Variants in UST observed in about 807,000 individuals in gnomAD.
The protein encoded by UST is chondroitin sulfate 2-O-sulfotransferase.
UST carries 21 observed loss-of-function variants against 45.6 expected under a neutral mutation model. The ratio of observed to expected loss-of-function variants is 0.46; its 90% CI spans 0.33 to 0.66. UST has a LOEUF of 0.66. UST is among the 30% of genes least tolerant of loss of function. UST has a pLI of 0.02. For missense variants in UST, 463 were observed against 512.4 expected, an observed-to-expected ratio of 0.90 and a Z score of 0.93; for synonymous variants, 215 against 200.6, an observed-to-expected ratio of 1.07 and a Z score of -0.61.
chr6:148,872,251 A>T (rs1343899475), intron 1 of UST, among the ~76,000 whole-genome samples: 25 of 152,236 alleles, frequency 1.6e-4, no homozygotes, highest in Admixed American at 1.6e-3. Context: ...AATATTTAAA[A>T]AATGATAATA....
chr6:148,942,150 G>A (rs1473345914), intron 3 of UST, among the ~76,000 whole-genome samples: 1 of 152,116 alleles, frequency 6.6e-6, no homozygotes, highest in African/African-American at 2.4e-5. Context: ...TTACAGAGTT[G>A]GGTTTGTCAT....
rs111880871 is a variant in UST at position 148,893,216 on chromosome 6, G to A, written c.291+6187G>A. Among the ~76,000 whole-genome samples the A allele has an allele frequency of 5.9e-5, 9 of 152,278 alleles. 1 individual carries two copies. Among genetic ancestry groups the A allele is most frequent in the African/African-American group, 2.2e-4 (9 of 41,552 alleles). On this transcript the variant is annotated intron_variant, in intron 2 of 7. Transcript: ENST00000367463. ...AAGTATTAGTATTCAAAATTCCGTT[G>A]TAAAATGGGTTCATTAGAAGGCGGC...
At chr6:148,851,190 C>T (rs112665427) in intron 1 of UST, among the ~76,000 whole-genome samples, 2,320 of 152,296 alleles carry the variant, frequency 0.015, 28 homozygotes, top group African/African-American at 0.04. Context: ...TTGTCATGGA[C>T]TTTTAGCATC....
rs114013974 is a variant in UST, at chr6:148,802,118, C to T, written c.247+54441C>T. Among the ~76,000 whole-genome samples the T allele has an allele frequency of 1.3e-3, 197 of 152,284 alleles. 1 individual carries two copies. Among genetic ancestry groups the T allele is most frequent in the African/African-American group, 4.6e-3 (192 of 41,562 alleles). ...TTGACATCCTGCCCAAGTCCCCATG[C>T]GGGGCAAATGCTCCCATTGCCCAGC... On this transcript the variant is annotated intron_variant, in intron 1 of 7. Transcript: ENST00000367463.
At position 148,934,715 on chromosome 6, in the gene UST, T is replaced by C. The variant is rs569716422; in HGVS notation, c.292-6564T>C. 6.6e-6 allele frequency among the ~76,000 whole-genome samples: 1 copy of C among 152,312 alleles called. No homozygotes were observed. Among genetic ancestry groups the C allele is most frequent in the Non-Finnish European group, 1.5e-5 (1 of 68,030 alleles). On this transcript the variant is annotated intron_variant, in intron 2 of 7. Transcript: ENST00000367463. This position sits in a 1 kb window ranked among gnomAD's most constrained non-coding sequence, Gnocchi z 4.1. The stretch of plus-strand genomic sequence containing the variant: ...TTAATACAGAAAGCTGGGAGTCCTC[T>C]GTGACAGCACTTCCTCAAAGCTGAT...
chr6:148,989,761 C>G (rs912939411), intron 5 of UST, among the ~76,000 whole-genome samples: 1 of 152,166 alleles, frequency 6.6e-6, no homozygotes, highest in Non-Finnish European at 1.5e-5. Context: ...GGCTGAAGGG[C>G]TTGTCTCACC....
At chr6:149,046,921 A>G (rs911972238) in intron 7 of UST, among the ~76,000 whole-genome samples, 7 of 152,218 alleles carry the variant, frequency 4.6e-5, no homozygotes, top group African/African-American at 1.7e-4. Context: ...TTCTGGTGGC[A>G]GTAGAATTGC....
chr6:148,872,284 A>T (rs576135256), intron 1 of UST, among the ~76,000 whole-genome samples: 16 of 152,096 alleles, frequency 1.1e-4, no homozygotes, highest in Admixed American at 3.9e-4. Context: ...ACTGAAGTAA[A>T]CTGGTGAGAT....
chr6:148,828,699 A>G (rs1050432852), intron 1 of UST, among the ~76,000 whole-genome samples: 7 of 152,230 alleles, frequency 4.6e-5, no homozygotes, highest in Admixed American at 1.3e-4. Flanking sequence ...AGTATTTGCA[A>G]TGATGATGAT....
chr6:148,824,822 C>G, intron 1 of UST, among the ~76,000 whole-genome samples: 1 of 128,538 alleles, frequency 7.8e-6, no homozygotes, highest in South Asian at 3.2e-4. Flanking sequence ...AATGCTATCC[C>G]TCCCCCCTCC....
rs374571629 is a variant in UST at position 148,972,009 on chromosome 6, G to T, written c.681+7446G>T. On this transcript the variant is annotated intron_variant, in intron 5 of 7. Transcript: ENST00000367463. ...CAACCATGTGCAAAGAGCAGCTCCA[G>T]GTGGGGTCAGGGGCAGCAATGAGGG... is the stretch of plus-strand genomic sequence containing the variant. Among the ~76,000 whole-genome samples, 22 of 152,326 alleles carry T rather than the reference G, an allele frequency of 1.4e-4. No individual in the cohort carries two copies. The East Asian group carries it at 3.7e-3, about 25-fold the overall frequency.
At chr6:148,763,861 G>T (rs145946375) in intron 1 of UST, among the ~76,000 whole-genome samples, 5,700 of 152,186 alleles carry the variant, frequency 0.037, 363 homozygotes, top group African/African-American at 0.13. Flanking sequence ...CTATATGTCT[G>T]TTTTTGTACC....
intron 1 of UST, among the ~76,000 whole-genome samples, chr6:148,819,774 A>C (rs745646294): frequency 3.9e-5 from 6 of 152,230 alleles, no homozygotes; most frequent in Non-Finnish European, 7.3e-5. Flanking sequence ...TGTACCAAAC[A>C]TAATGTAGCC....
At chr6:148,762,894 C>T (rs189706476) in intron 1 of UST, among the ~76,000 whole-genome samples, 8 of 152,258 alleles carry the variant, frequency 5.3e-5, no homozygotes, top group Non-Finnish European at 1.0e-4. Context: ...TTTCTTTATC[C>T]AGTCATCTGT....
At chr6:148,998,018 C>A (rs538568063) in intron 5 of UST, among the ~76,000 whole-genome samples, 2 of 152,070 alleles carry the variant, frequency 1.3e-5, no homozygotes, top group African/African-American at 4.8e-5. Context: ...GTTTGTTTTG[C>A]GTTCTTAAGC....
At chr6:148,783,303 A>G (rs548626664) in intron 1 of UST, among the ~76,000 whole-genome samples, 1 of 152,328 alleles carries the variant, frequency 6.6e-6, no homozygotes, top group African/African-American at 2.4e-5. Context: ...AAAACTCACT[A>G]TATTGTCATA....
intron 2 of UST, among the ~76,000 whole-genome samples, chr6:148,919,417 CGT>C (rs71007929): frequency 0.29 from 43,465 of 147,470 alleles, 6,708 homozygotes; most frequent in East Asian, 0.62. Flanking sequence ...GTGTCAGAGC[CGT>C]GTGTGTGTGT....
intron 7 of UST, among the ~76,000 whole-genome samples, chr6:149,039,586 AG>A (rs1321843354): frequency 6.6e-6 from 1 of 152,240 alleles, no homozygotes; most frequent in African/African-American, 2.4e-5. Context: ...ACAGCCAGAC[AG>A]TCTAAGGACC....
chr6:149,056,132 T>C (rs1364813898), intron 7 of UST, among the ~76,000 whole-genome samples: 1 of 114,364 alleles, frequency 8.7e-6, no homozygotes, highest in Admixed American at 8.3e-5. Context: ...TTTTTTTTTT[T>C]TTTTTTTTTT....
Sources: allele counts gnomAD v4.1 joint callset (sites outside exome capture counted in the v4.1 genomes callset), GRCh38; gene constraint gnomAD v4.1.1; non-coding constraint Gnocchi (gnomAD v3.1); transcripts MANE v1.5; gene names NCBI Gene and HGNC (gene_info 2026-07-23, HGNC 2026-07-21).